NELL1: variants seen among roughly 807,000 people sequenced by gnomAD.
NELL1 encodes the protein neural EGFL like 1.
A neutral mutation model predicts 107.4 loss-of-function variants in NELL1; 76 were observed. The ratio of observed to expected loss-of-function variants is 0.71; its 90% CI spans 0.59 to 0.86. The LOEUF (loss-of-function observed/expected upper bound fraction) is 0.86. NELL1 is among the 40% of genes least tolerant of loss of function. NELL1 has a pLI of 0.00. For synonymous variants in NELL1, 353 were observed against 341.2 expected (o/e 1.03, Z -0.38); for missense variants, 1,024 against 1,005.5 (o/e 1.02, Z -0.25).
rs548072983 is a variant in NELL1 at position 20,980,101 on chromosome 11, T to G, written c.1300+19541T>G. Among the ~76,000 whole-genome samples the G allele has an allele frequency of 2.6e-5, 4 of 152,328 alleles. No individual in the cohort carries two copies. In the East Asian group the frequency reaches 7.7e-4, roughly 29 times the overall value. On this transcript the variant is annotated intron_variant, in intron 12 of 19. Transcript: ENST00000357134. The stretch of plus-strand genomic sequence containing the variant: ...GAATCACTAAAGTTTTTTAAAAGTT[T>G]GAAAAGTTGACTTTCCTTCCTCTTT...
At chr11:21,242,059 A>T (rs895926095) in intron 14 of NELL1, among the ~76,000 whole-genome samples, 1 of 151,934 alleles carries the variant, frequency 6.6e-6, no homozygotes, top group Non-Finnish European at 1.5e-5. Context: ...GGCATTTTCA[A>T]ATTTTTTTCT....
chr11:21,109,617 C>T (rs1855057901), intron 12 of NELL1, among the ~76,000 whole-genome samples: 1 of 152,118 alleles, frequency 6.6e-6, no homozygotes, highest in South Asian at 2.1e-4. Context: ...TGGTCCAACT[C>T]AATTTCTCTC....
intron 13 of NELL1, among the ~76,000 whole-genome samples, chr11:21,166,928 A>G (rs1856496969): frequency 6.6e-6 from 1 of 151,892 alleles, no homozygotes; most frequent in Admixed American, 6.6e-5. Context: ...CCAAGCTTAA[A>G]AGTCCTTACT....
intron 15 of NELL1, among the ~76,000 whole-genome samples, chr11:21,511,321 G>A (rs4074586): frequency 0.53 from 81,216 of 151,882 alleles, 22,962 homozygotes; most frequent in Non-Finnish European, 0.65. Context: ...ACTTTTCCTC[G>A]AGAAAGAGTT....
intron 4 of NELL1, among the ~76,000 whole-genome samples, chr11:20,874,535 A>C (rs997162997): frequency 1.3e-5 from 2 of 152,182 alleles, no homozygotes; most frequent in Non-Finnish European, 2.9e-5. Flanking sequence ...CTTGTCTTTT[A>C]GGGTTATTGA....
At chr11:21,573,437 G>T in intron 19 of NELL1, 28 bp downstream of exon 19, 1 of 1,593,056 alleles carries the variant, frequency 6.3e-7, no homozygotes, top group Non-Finnish European at 8.6e-7. Flanking sequence ...GGATATTGAA[G>T]CCTTGAACAA....
intron 14 of NELL1, among the ~76,000 whole-genome samples, chr11:21,239,582 A>C (rs1858298634): frequency 6.6e-6 from 1 of 152,068 alleles, no homozygotes; most frequent in Non-Finnish European, 1.5e-5. Flanking sequence ...TAGGCCATTT[A>C]AGTTTTAGCC....
At chr11:21,366,953 T>C (rs1851235464) in intron 14 of NELL1, among the ~76,000 whole-genome samples, 2 of 151,782 alleles carry the variant, frequency 1.3e-5, no homozygotes, top group Admixed American at 1.3e-4. Context: ...ATTGAGTACA[T>C]GGTGATGGTA....
intron 14 of NELL1, among the ~76,000 whole-genome samples, chr11:21,246,667 G>A (rs1482369025): frequency 6.6e-6 from 1 of 152,096 alleles, no homozygotes; most frequent in African/African-American, 2.4e-5. Flanking sequence ...TAACACAATG[G>A]TAATATTTGT....
intron 13 of NELL1, among the ~76,000 whole-genome samples, chr11:21,218,552 C>A (rs1489240895): frequency 7.9e-5 from 12 of 152,058 alleles, no homozygotes; most frequent in Non-Finnish European, 1.0e-4. Flanking sequence ...CCAGGGGTAA[C>A]CATAATTACC....
At chr11:20,704,772 T>G (rs1854895732) in intron 2 of NELL1, among the ~76,000 whole-genome samples, 1 of 152,146 alleles carries the variant, frequency 6.6e-6, no homozygotes, top group Non-Finnish European at 1.5e-5. Context: ...GAAGCTTAGT[T>G]TGGCTGGATA....
chr11:21,115,593 G>A (rs1312045081), intron 13 of NELL1, among the ~76,000 whole-genome samples: 1 of 151,846 alleles, frequency 6.6e-6, no homozygotes. Context: ...TTGCCATACA[G>A]TATGCTATGT....
intron 14 of NELL1, among the ~76,000 whole-genome samples, chr11:21,306,097 C>G (rs1849599512): frequency 6.6e-6 from 1 of 151,928 alleles, no homozygotes; most frequent in African/African-American, 2.4e-5. Flanking sequence ...GTTGTTTGCT[C>G]TTCTCTGAAA....
intron 12 of NELL1, among the ~76,000 whole-genome samples, chr11:21,063,821 A>G (rs571180841): frequency 2.0e-5 from 3 of 152,358 alleles, no homozygotes; most frequent in Admixed American, 2.0e-4. Flanking sequence ...GGTGACACAG[A>G]CAACAATAAA....
intron 13 of NELL1, among the ~76,000 whole-genome samples, chr11:21,158,239 C>T (rs1486877556): frequency 6.6e-6 from 1 of 152,164 alleles, no homozygotes. Context: ...CTTCACTTCC[C>T]TACTTTTGAG....
At chr11:21,345,788 T>C (rs117579262) in intron 14 of NELL1, among the ~76,000 whole-genome samples, 2 of 152,284 alleles carry the variant, frequency 1.3e-5, no homozygotes, top group African/African-American at 2.4e-5. Flanking sequence ...AATATCACTG[T>C]TTGTGTGCTT....
chr11:21,032,370 T>C (rs1008279377), intron 12 of NELL1, among the ~76,000 whole-genome samples: 2 of 152,112 alleles, frequency 1.3e-5, no homozygotes, highest in African/African-American at 4.8e-5. Context: ...ATAGACTTTA[T>C]GTAGAATTTT....
intron 2 of NELL1, among the ~76,000 whole-genome samples, chr11:20,763,193 G>T (rs1289466447): frequency 6.6e-6 from 1 of 152,084 alleles, no homozygotes; most frequent in African/African-American, 2.4e-5. Flanking sequence ...GTTTATCTTT[G>T]TCCTGCTGGG....
intron 14 of NELL1, among the ~76,000 whole-genome samples, chr11:21,255,736 G>A (rs554700383): frequency 1.3e-5 from 2 of 151,926 alleles, no homozygotes; most frequent in South Asian, 4.2e-4. Context: ...AAAAAATAAA[G>A]TTTCAGACAT....
Sources: allele counts gnomAD v4.1 joint callset (sites outside exome capture counted in the v4.1 genomes callset), GRCh38; gene constraint gnomAD v4.1.1; transcripts MANE v1.5; gene names NCBI Gene and HGNC (gene_info 2026-07-23, HGNC 2026-07-21).